The following DSCAM variants were observed in gnomAD, a reference collection of about 807,000 sequenced individuals.
DSCAM encodes the protein cell adhesion molecule DSCAM.
Under a neutral mutation model 217.7 loss-of-function variants are expected in DSCAM, and 47 were observed. The observed-to-expected ratio is 0.22, with a 90% CI of 0.17 to 0.28. DSCAM has a LOEUF of 0.28. Ranked by LOEUF, DSCAM falls within the 10% of genes least tolerant of loss-of-function variation. The pLI, the probability that DSCAM is intolerant of heterozygous loss-of-function variation, is 1.00. For synonymous variants in DSCAM, 1,056 were observed against 1,015.3 expected, an observed-to-expected ratio of 1.04 and a Z score of -0.76; for missense variants, 2,080 against 2,618.3, an observed-to-expected ratio of 0.79 and a Z score of 4.49.
intron 21 of DSCAM, among the ~76,000 whole-genome samples, chr21:40,092,587 T>C (rs2089625402): frequency 6.6e-6 from 1 of 152,234 alleles, no homozygotes. Flanking sequence ...TGTCTAGAGA[T>C]AGAACTTTGA....
intron 3 of DSCAM, among the ~76,000 whole-genome samples, chr21:40,504,861 C>A (rs998367027): frequency 6.6e-6 from 1 of 151,824 alleles, no homozygotes; most frequent in Admixed American, 6.6e-5. Flanking sequence ...AGAAAAAAAT[C>A]TTTTTATTTG....
Position 40,744,666 on chromosome 21 carries a change from G to T in DSCAM, c.44-35895C>A, listed in dbSNP as rs559220079. Among the ~76,000 whole-genome samples, 4 of 152,194 alleles carry T rather than the reference G, an allele frequency of 2.6e-5. No homozygotes were observed. The East Asian group carries it at 7.7e-4, about 29-fold the overall frequency. On this transcript the variant is annotated intron_variant, in intron 1 of 32. Coordinates refer to ENST00000400454, the MANE Select transcript of DSCAM (RefSeq NM_001389.5). Reference sequence around the variant, plus strand: ...TAGAGGTCCAACACTAATAACACCAGCAGAAGCTGGAAGAGTGGCTTTCTC... The same window carrying T: ...TAGAGGTCCAACACTAATAACACCATCAGAAGCTGGAAGAGTGGCTTTCTC...
chr21:40,465,473 A>G (rs1322267701), intron 3 of DSCAM, among the ~76,000 whole-genome samples: 5 of 152,188 alleles, frequency 3.3e-5, no homozygotes, highest in Non-Finnish European at 7.3e-5. Context: ...CACCTGTTCA[A>G]ATGGATCCAG....
chr21:40,166,052 G>A (rs1024493839), intron 16 of DSCAM, among the ~76,000 whole-genome samples: 1 of 152,086 alleles, frequency 6.6e-6, no homozygotes, highest in Non-Finnish European at 1.5e-5. Context: ...TGACACAAAG[G>A]GGCTCGCTGC....
intron 20 of DSCAM, among the ~76,000 whole-genome samples, chr21:40,097,973 AGAAAGAAAGAAAGAAAGAAAG>A (rs2089703137): frequency 1.2e-5 from 1 of 86,688 alleles, no homozygotes; most frequent in African/African-American, 5.4e-5. Flanking sequence ...AAAGAAAGAA[AGAAAGAAAGAAAGAAAGAAAG>A]AAAGAAAGAA....
intron 16 of DSCAM, among the ~76,000 whole-genome samples, chr21:40,154,142 C>CCTTTCCTCTCCTCTCTCCTTT (rs1457449402): frequency 1.3e-5 from 2 of 151,834 alleles, no homozygotes; most frequent in African/African-American, 4.8e-5. Flanking sequence ...TCAAATAATT[C>CCTTTCCTCTCCTCTCTCCTTT]CTTTCCTCTC....
At position 40,620,366 on chromosome 21, in the gene DSCAM, AAAAGAAAGAAAGAAAG is replaced by A. The variant is rs71186951; in HGVS notation, c.508+72428_508+72443del. On this transcript the variant is annotated intron_variant, in intron 3 of 32. Coordinates refer to ENST00000400454, the MANE Select transcript of DSCAM (RefSeq NM_001389.5). ...GAAAGAGAAAGAGAGAGAAAAAAGA[AAAAGAAAGAAAGAAAG>A]AAAGAGAAAGAAAGAAAGAAAGGAG... Among the ~76,000 whole-genome samples, 44 of 124,792 alleles carry A rather than the reference AAAAGAAAGAAAGAAAG, an allele frequency of 3.5e-4. 1 individual carries two copies. The highest frequency in any genetic ancestry group is 1.2e-3 in the African/African-American group (40 of 32,124). The allele number at this position is 124,792 out of a possible 152,430, so 81.9% of individuals were successfully genotyped here. A position where few individuals can be genotyped will look rare whatever the true frequency, so the allele number is the denominator to read the frequency against.
At chr21:40,174,694 T>C (rs1401666069) in intron 15 of DSCAM, among the ~76,000 whole-genome samples, 1 of 152,152 alleles carries the variant, frequency 6.6e-6, no homozygotes, top group Non-Finnish European at 1.5e-5. Flanking sequence ...ACTCCATGCT[T>C]AACTCCAGCT....
Position 40,189,079 on chromosome 21 carries a change from G to A in DSCAM, c.2516C>T (p.Thr839Ile). ...AATCACCTCTTCTCCCACCTCCTTG[G>A]TGGACACAAGATAACGGGCCATCTC... is the stretch of plus-strand genomic sequence containing the variant. ...NPEMARYLVS[T>I]KEVGEEVIST... Residue 839 changes from threonine to isoleucine, a missense_variant, in exon 12 of 33, where the codon ACC (threonine) becomes ATC (isoleucine). Physicochemically the swap from Thr to Ile is moderately conservative, Grantham distance 89 (BLOSUM62 -1). Transcript: ENST00000400454. 1 of 1,614,018 alleles carries A rather than the reference G, an allele frequency of 6.2e-7. No individual in the cohort carries two copies. The highest frequency in any genetic ancestry group is 8.5e-7 in the Non-Finnish European group (1 of 1,180,004).
chr21:40,780,421 G>GTGTATATATATATATATATATA (rs1555888050), intron 1 of DSCAM, among the ~76,000 whole-genome samples: 5 of 48,042 alleles, frequency 1.0e-4, no homozygotes, highest in African/African-American at 6.4e-4. Flanking sequence ...GTGTGTGTGT[G>GTGTATATATATATATATATATA]TGTATATATA....
At chr21:40,038,882 T>C (rs895185637) in intron 32 of DSCAM, among the ~76,000 whole-genome samples, 8 of 150,676 alleles carry the variant, frequency 5.3e-5, no homozygotes, top group Admixed American at 2.0e-4. Context: ...ATGGATGAAA[T>C]TGGAAATCAT....
intron 16 of DSCAM, among the ~76,000 whole-genome samples, chr21:40,164,045 T>C (rs1699671546): frequency 6.6e-6 from 1 of 152,170 alleles, no homozygotes; most frequent in African/African-American, 2.4e-5. Flanking sequence ...ATGCCAGCCA[T>C]GAGGGATCAG....
At chr21:40,357,873 A>G (rs1308028384) in intron 4 of DSCAM, among the ~76,000 whole-genome samples, 3 of 151,620 alleles carry the variant, frequency 2.0e-5, no homozygotes, top group Non-Finnish European at 2.9e-5. Context: ...AAAAAAAACA[A>G]AAACAAAAAA....
chr21:40,136,345 T>G (rs915390705), intron 18 of DSCAM, among the ~76,000 whole-genome samples: 5 of 152,218 alleles, frequency 3.3e-5, no homozygotes, highest in Non-Finnish European at 2.9e-5. Context: ...CCAGACATGA[T>G]GGCTCATGCC....
chr21:40,481,293 T>C (rs1374804017), intron 3 of DSCAM, among the ~76,000 whole-genome samples: 2 of 151,792 alleles, frequency 1.3e-5, no homozygotes, highest in African/African-American at 2.4e-5. Context: ...ATCGAGACCA[T>C]CCCGGCTAAC....
chr21:40,201,809 A>T (rs931306674), intron 11 of DSCAM, among the ~76,000 whole-genome samples: 4 of 152,234 alleles, frequency 2.6e-5, no homozygotes, highest in African/African-American at 9.6e-5. Context: ...GCCATCAATG[A>T]TAGTAAAAAA....
intron 3 of DSCAM, among the ~76,000 whole-genome samples, chr21:40,554,996 T>A (rs2076659872): frequency 6.6e-6 from 1 of 152,212 alleles, no homozygotes; most frequent in African/African-American, 2.4e-5. Context: ...CAGAAGGCAT[T>A]CAGTAAATGG....
intron 3 of DSCAM, among the ~76,000 whole-genome samples, chr21:40,400,761 ACT>A (rs1452179922): frequency 6.6e-6 from 1 of 152,082 alleles, no homozygotes; most frequent in Admixed American, 6.5e-5. Context: ...GTATTTTCAT[ACT>A]CTGTTATGTT....
intron 20 of DSCAM, among the ~76,000 whole-genome samples, chr21:40,116,798 C>T (rs370802946): frequency 1.3e-5 from 2 of 150,714 alleles, no homozygotes; most frequent in East Asian, 3.9e-4. Flanking sequence ...GTCAGGAGAT[C>T]GAGACCATCC....
Sources: gnomAD v4.1 joint callset for allele counts (sites outside exome capture counted in the v4.1 genomes callset) on GRCh38, gnomAD v4.1.1 for gene constraint, MANE v1.5 for transcripts, NCBI Gene and HGNC (gene_info 2026-07-23, HGNC 2026-07-21) for gene names.